MAGI3: variants seen among roughly 807,000 people sequenced by gnomAD.
MAGI3 encodes the protein membrane-associated guanylate kinase, WW and PDZ domain-containing protein 3.
In MAGI3, 43 loss-of-function variants were observed where a neutral mutation model predicts 121.8. The ratio of observed to expected loss-of-function variants is 0.35; its 90% CI spans 0.28 to 0.46. MAGI3 has a LOEUF of 0.46. MAGI3 is among the 20% of genes least tolerant of loss of function. The pLI is 1.00. For missense variants in MAGI3, 1,547 were observed against 1,797.3 expected (o/e 0.86, Z 2.52); for synonymous variants, 553 against 639.3 (o/e 0.86, Z 2.04).
At chr1:113,522,919 T>C (rs1658272292) in intron 1 of MAGI3, among the ~76,000 whole-genome samples, 1 of 152,250 alleles carries the variant, frequency 6.6e-6, no homozygotes. Context: ...TGAAAGTATT[T>C]ACTATGCAGT....
chr1:113,442,442 C>T (rs1653962563), intron 1 of MAGI3, among the ~76,000 whole-genome samples: 2 of 151,984 alleles, frequency 1.3e-5, no homozygotes, highest in Non-Finnish European at 2.9e-5. Flanking sequence ...AGTATCTAGT[C>T]TACCATATGT....
chr1:113,575,204 C>A lies in MAGI3; in HGVS notation c.434-5338C>A, dbSNP rs150285253. ...CCTACTTCTGTCAATTCATCAAACT[C>A]ATTCTCTGTCCAGTTTTGTGCCCTT... On this transcript the variant is annotated intron_variant, in intron 2 of 20. Transcript: ENST00000307546. Among the ~76,000 whole-genome samples the A allele has an allele frequency of 1.4e-4, 21 of 152,278 alleles. No individual in the cohort carries two copies. The East Asian group carries it at 3.9e-3, about 28-fold the overall frequency.
intron 13 of MAGI3, among the ~76,000 whole-genome samples, chr1:113,650,049 A>G (rs989034813): frequency 1.3e-5 from 2 of 151,982 alleles, no homozygotes. Flanking sequence ...TTTATATAAT[A>G]TCAATATATT....
intron 6 of MAGI3, 139 bp downstream of exon 6, chr1:113,594,699 T>C (rs1648891283): frequency 3.8e-6 from 2 of 529,394 alleles, no homozygotes; most frequent in Non-Finnish European, 6.7e-6. Context: ...GATATCATAA[T>C]CAACTGATTG....
At chr1:113,652,505 A>G (rs1653227103) in intron 14 of MAGI3, among the ~76,000 whole-genome samples, 1 of 152,202 alleles carries the variant, frequency 6.6e-6, no homozygotes, top group Middle Eastern at 3.2e-3. Context: ...TACTGCCTCA[A>G]TTTGGTTGTG....
chr1:113,431,982 G>A (rs533236491), intron 1 of MAGI3, among the ~76,000 whole-genome samples: 1 of 152,228 alleles, frequency 6.6e-6, no homozygotes, highest in East Asian at 1.9e-4. Flanking sequence ...TTTATGGAAT[G>A]GTAGCTTCAC....
intron 16 of MAGI3, among the ~76,000 whole-genome samples, chr1:113,668,657 A>G (rs1345009501): frequency 7.4e-6 from 1 of 135,426 alleles, no homozygotes; most frequent in Non-Finnish European, 1.5e-5. Flanking sequence ...ATCTCGGCTC[A>G]CTGCAAGCTC....
chr1:113,683,030 T>G lies in MAGI3; in HGVS notation c.3462T>G (p.Val1154=). The change falls in exon 21 of 21, where the codon GTT becomes GTG. Residue 1154 remains valine (V), a synonymous_variant. Transcript: ENST00000307546. ...CAGTAATTGAAGAATCTTTGAGAGT[T>G]CAGATATGTGAAAAGGCAGAAGAAT... is the stretch of plus-strand genomic sequence containing the variant. ...HVPVIEESLR[V]QICEKAEELK... 1 of 1,613,904 alleles carries G rather than the reference T, an allele frequency of 6.2e-7. No individual in the cohort carries two copies. The highest frequency in any genetic ancestry group is 8.5e-7 in the Non-Finnish European group (1 of 1,179,870).
intron 1 of MAGI3, among the ~76,000 whole-genome samples, chr1:113,513,154 A>G (rs1657702973): frequency 6.6e-6 from 1 of 152,238 alleles, no homozygotes; most frequent in Admixed American, 6.5e-5. Context: ...AGAACATTCC[A>G]TGCTCATGGG....
At chr1:113,558,807 G>A (rs1660099133) in intron 2 of MAGI3, among the ~76,000 whole-genome samples, 2 of 152,134 alleles carry the variant, frequency 1.3e-5, no homozygotes, top group African/African-American at 4.8e-5. Flanking sequence ...GTTAAGCACA[G>A]CCAGAGAGAA....
chr1:113,479,587 T>TATA (rs1374133751), intron 1 of MAGI3, among the ~76,000 whole-genome samples: 1 of 152,254 alleles, frequency 6.6e-6, no homozygotes, highest in Non-Finnish European at 1.5e-5. Flanking sequence ...ATCTCTTTAT[T>TATA]ATTAATCTAT....
intron 1 of MAGI3, among the ~76,000 whole-genome samples, chr1:113,405,474 CAAAAAAAAAAAAA>C (rs5777158): frequency 5.5e-5 from 3 of 54,328 alleles, no homozygotes; most frequent in African/African-American, 7.5e-5. Flanking sequence ...GAAACTGTCT[CAAAAAAAAAAAAA>C]AAAAAAAAAA....
chr1:113,478,445 C>T (rs1655956309), intron 1 of MAGI3, among the ~76,000 whole-genome samples: 1 of 151,956 alleles, frequency 6.6e-6, no homozygotes, highest in South Asian at 2.1e-4. Flanking sequence ...GACGTTGATG[C>T]TATTCCTTTC....
chr1:113,585,122 C>T (rs1648283318), intron 3 of MAGI3, among the ~76,000 whole-genome samples: 1 of 151,780 alleles, frequency 6.6e-6, no homozygotes, highest in Non-Finnish European at 1.5e-5. Flanking sequence ...GCATGTGCTA[C>T]CATACCTGGC....
At chr1:113,414,087 AG>A (rs1652161017) in intron 1 of MAGI3, among the ~76,000 whole-genome samples, 1 of 152,290 alleles carries the variant, frequency 6.6e-6, no homozygotes, top group South Asian at 2.1e-4. Flanking sequence ...TTTAGCATGA[AG>A]GGCTGTTGAA....
At chr1:113,437,529 T>C (rs1001157322) in intron 1 of MAGI3, among the ~76,000 whole-genome samples, 11 of 152,184 alleles carry the variant, frequency 7.2e-5, no homozygotes, top group African/African-American at 2.4e-4. Flanking sequence ...TAAGGATTAC[T>C]TAATAATTTT....
chr1:113,613,693 TA>T (rs1033315188), intron 6 of MAGI3, among the ~76,000 whole-genome samples: 1 of 152,136 alleles, frequency 6.6e-6, no homozygotes, highest in African/African-American at 2.4e-5. Context: ...AGTGGACTTT[TA>T]AAAAAATTCT....
At chr1:113,512,983 C>T (rs1454665997) in intron 1 of MAGI3, among the ~76,000 whole-genome samples, 11 of 152,200 alleles carry the variant, frequency 7.2e-5, no homozygotes, top group Non-Finnish European at 1.2e-4. Flanking sequence ...ACACCAATAA[C>T]AGAGAAACAG....
rs761136998 is a variant in MAGI3, at chr1:113,683,026, GA to G, written c.3459del (p.Val1154PhefsTer10). On this transcript the variant is annotated frameshift_variant, in exon 21 of 21. Transcript: ENST00000307546. LOFTEE classifies it low-confidence loss of function (END_TRUNC). The stretch of plus-strand genomic sequence containing the variant: ...GTGCCAGTAATTGAAGAATCTTTGA[GA>G]GTTCAGATATGTGAAAAGGCAGAAG... ...SHVPVIEESL[R>X]VQICEKAEEL... The G allele has an allele frequency of 6.2e-7, 1 of 1,613,932 alleles. No homozygotes were observed. The highest frequency in any genetic ancestry group is 1.1e-5 in the South Asian group (1 of 91,060).
Sources: gnomAD v4.1 joint callset for allele counts (sites outside exome capture counted in the v4.1 genomes callset) on GRCh38, gnomAD v4.1.1 for gene constraint, MANE v1.5 for transcripts, NCBI Gene and HGNC (gene_info 2026-07-23, HGNC 2026-07-21) for gene names.